Variants in IMMP2L observed in about 807,000 individuals in gnomAD.
The protein encoded by IMMP2L is mitochondrial inner membrane protease subunit 2.
A neutral mutation model predicts 19.3 loss-of-function variants in IMMP2L; 18 were observed. That is an observed-to-expected ratio of 0.93 (90% CI 0.64 to 1.38). The LOEUF is 1.38. Ranked by LOEUF, IMMP2L falls within the 40% of genes most tolerant of loss-of-function variation. IMMP2L has a pLI of 0.00. For missense variants in IMMP2L, 233 were observed against 218.2 expected, an observed-to-expected ratio of 1.07 and a Z score of -0.43; for synonymous variants, 76 against 73.0, an observed-to-expected ratio of 1.04 and a Z score of -0.21.
chr7:111,109,056 T>G (rs957551351), intron 3 of IMMP2L, among the ~76,000 whole-genome samples: 21 of 152,154 alleles, frequency 1.4e-4, no homozygotes, highest in African/African-American at 4.8e-4. Context: ...TCTTAAATGA[T>G]CTATAAAGAA....
At chr7:111,029,731 T>G (rs1827209727) in intron 3 of IMMP2L, among the ~76,000 whole-genome samples, 1 of 152,194 alleles carries the variant, frequency 6.6e-6, no homozygotes, top group South Asian at 2.1e-4. Flanking sequence ...GGTATTTCAA[T>G]GTATTGCTCA....
chr7:110,927,036 T>G (rs575973837), intron 4 of IMMP2L, among the ~76,000 whole-genome samples: 2 of 152,262 alleles, frequency 1.3e-5, no homozygotes, highest in South Asian at 4.1e-4. Flanking sequence ...CTGATACAAG[T>G]GATGCTGCAG....
At chr7:111,422,276 G>C (rs909047317) in intron 3 of IMMP2L, among the ~76,000 whole-genome samples, 1 of 152,026 alleles carries the variant, frequency 6.6e-6, no homozygotes, top group South Asian at 2.1e-4. Flanking sequence ...TTGGTAGCTT[G>C]ATGGGGATGG....
intron 3 of IMMP2L, among the ~76,000 whole-genome samples, chr7:111,100,901 C>G (rs1797900139): frequency 6.6e-6 from 1 of 151,380 alleles, no homozygotes; most frequent in Non-Finnish European, 1.5e-5. Flanking sequence ...ATTCTTTCAG[C>G]CCTGAATGTT....
intron 4 of IMMP2L, among the ~76,000 whole-genome samples, chr7:110,951,580 C>T (rs1156676960): frequency 6.7e-6 from 1 of 150,080 alleles, no homozygotes; most frequent in African/African-American, 2.5e-5. Flanking sequence ...TGTGTGTATA[C>T]ATATATATAT....
At chr7:111,435,079 TG>T (rs1274360874) in intron 3 of IMMP2L, among the ~76,000 whole-genome samples, 6 of 151,892 alleles carry the variant, frequency 4.0e-5, no homozygotes, top group Non-Finnish European at 8.8e-5. Flanking sequence ...TATAAACTAT[TG>T]GTAAAAATGT....
At chr7:111,025,931 T>C (rs1426031111) in intron 3 of IMMP2L, among the ~76,000 whole-genome samples, 2 of 152,172 alleles carry the variant, frequency 1.3e-5, no homozygotes, top group Non-Finnish European at 2.9e-5. Flanking sequence ...CCATGATTTA[T>C]AATAGGCATA....
At chr7:111,104,481 C>G (rs1263794036) in intron 3 of IMMP2L, among the ~76,000 whole-genome samples, 1 of 151,660 alleles carries the variant, frequency 6.6e-6, no homozygotes, top group Non-Finnish European at 1.5e-5. Context: ...TAACTAATAC[C>G]ATCACTTCTA....
At chr7:110,743,437 T>C (rs1296787997) in intron 5 of IMMP2L, among the ~76,000 whole-genome samples, 1 of 152,214 alleles carries the variant, frequency 6.6e-6, no homozygotes, top group African/African-American at 2.4e-5. Context: ...TGTGCTATTA[T>C]TTAAAATGTT....
At chr7:111,065,505 T>C (rs1255313991) in intron 3 of IMMP2L, among the ~76,000 whole-genome samples, 1 of 152,142 alleles carries the variant, frequency 6.6e-6, no homozygotes, top group Non-Finnish European at 1.5e-5. Context: ...GGTCTGTCTA[T>C]GAGGGTGTTG....
At chr7:111,253,781 G>A (rs1361745919) in intron 3 of IMMP2L, among the ~76,000 whole-genome samples, 4 of 152,080 alleles carry the variant, frequency 2.6e-5, no homozygotes, top group African/African-American at 4.8e-5. Flanking sequence ...AATTATTTAG[G>A]CCAAAGTCAA....
chr7:110,794,040 A>G (rs1800677084), intron 5 of IMMP2L, among the ~76,000 whole-genome samples: 1 of 152,118 alleles, frequency 6.6e-6, no homozygotes, highest in Admixed American at 6.6e-5. Context: ...AGTTTCATTC[A>G]TTGCTGGTAG....
intron 3 of IMMP2L, among the ~76,000 whole-genome samples, chr7:111,111,168 T>C (rs1277042118): frequency 2.0e-5 from 3 of 152,116 alleles, no homozygotes; most frequent in African/African-American, 4.8e-5. Flanking sequence ...TGCAAATTTA[T>C]AACCCTGTTT....
chr7:111,148,458 G>A (rs565704841), intron 3 of IMMP2L, among the ~76,000 whole-genome samples: 2 of 151,938 alleles, frequency 1.3e-5, no homozygotes, highest in Non-Finnish European at 2.9e-5. Flanking sequence ...GTACAACTCT[G>A]TAAATATATT....
chr7:110,741,691 A>T (rs1796998397), intron 5 of IMMP2L, among the ~76,000 whole-genome samples: 1 of 152,210 alleles, frequency 6.6e-6, no homozygotes, highest in African/African-American at 2.4e-5. Context: ...GAATTAAGAC[A>T]GTATGTAACC....
intron 3 of IMMP2L, among the ~76,000 whole-genome samples, chr7:111,481,429 A>G (rs903386474): frequency 6.6e-6 from 1 of 152,158 alleles, no homozygotes; most frequent in African/African-American, 2.4e-5. Context: ...GTCCTTAAGC[A>G]GGTTATTTAG....
At position 110,792,028 on chromosome 7, in the gene IMMP2L, T is replaced by G. The variant is rs77258743; in HGVS notation, c.408+94565A>C. ...TATTCTTGCATCTTACCCTTCAAAG[T>G]TGGGCAAGGGAACTAATTTTATCTA... On this transcript the variant is annotated intron_variant, in intron 5 of 5. Coordinates refer to ENST00000405709, the MANE Select transcript of IMMP2L (RefSeq NM_032549.4). 8.5e-3 allele frequency among the ~76,000 whole-genome samples: 1,289 copies of G among 151,862 alleles called. 11 individuals carry two copies. Among genetic ancestry groups the G allele is most frequent in the Non-Finnish European group, 0.013 (912 of 67,984 alleles).
intron 3 of IMMP2L, among the ~76,000 whole-genome samples, chr7:111,207,809 C>G (rs1416703438): frequency 6.6e-6 from 1 of 152,096 alleles, no homozygotes; most frequent in East Asian, 1.9e-4. Flanking sequence ...GCTGGGATTA[C>G]AGGCATGAGC....
chr7:110,831,974 C>T (rs554199891), intron 5 of IMMP2L, among the ~76,000 whole-genome samples: 2 of 152,284 alleles, frequency 1.3e-5, no homozygotes, highest in Admixed American at 6.5e-5. Flanking sequence ...TTTAAAACCA[C>T]TCTGTAGGGC....
Sources: allele counts gnomAD v4.1 joint callset (sites outside exome capture counted in the v4.1 genomes callset), GRCh38; gene constraint gnomAD v4.1.1; transcripts MANE v1.5; gene names NCBI Gene and HGNC (gene_info 2026-07-23, HGNC 2026-07-21).